Variants in NFATC2 observed in about 807,000 individuals in gnomAD.
NFATC2 encodes nuclear factor of activated T-cells, cytoplasmic 2.
In NFATC2, 22 loss-of-function variants were observed where a neutral mutation model predicts 87.3. The observed-to-expected ratio is 0.25, with a 90% confidence interval of 0.18 to 0.36. NFATC2 has a LOEUF of 0.36. Ranked by LOEUF, NFATC2 falls within the 10% of genes least tolerant of loss-of-function variation. The probability of loss-of-function intolerance (pLI) is 1.00; values close to 1 mark genes in which losing one functional copy is unlikely to be tolerated. For missense variants in NFATC2, 1,149 were observed against 1,259.1 expected (o/e 0.91, Z 1.32); for synonymous variants, 565 against 542.2 (o/e 1.04, Z -0.58).
In NFATC2 at chr20:51,390,009, A is replaced by G. The variant is rs1177167797; in HGVS notation, c.*1487T>C. 1 of 152,244 alleles carries G rather than the reference A, an allele frequency of 6.6e-6. No homozygotes were observed. Among genetic ancestry groups the G allele is most frequent in the African/African-American group, 2.4e-5 (1 of 41,466 alleles). The allele number at this position is 152,244 out of a possible 1,614,324, so 9.4% of individuals were successfully genotyped here. ...TGGGGTATCTGCAGTACATGCAAAC[A>G]GAAACAAACACATCTGCCAAGAACT... On this transcript the variant is annotated 3_prime_UTR_variant, in exon 11 of 11. Coordinates refer to ENST00000371564, the MANE Select transcript of NFATC2 (RefSeq NM_012340.5).
intron 5 of NFATC2, among the ~76,000 whole-genome samples, chr20:51,468,414 C>T (rs1160744685): frequency 6.6e-6 from 1 of 152,234 alleles, no homozygotes; most frequent in African/African-American, 2.4e-5. Context: ...CACTCCCAAG[C>T]CCTGCAAAAT....
intron 2 of NFATC2, among the ~76,000 whole-genome samples, chr20:51,520,295 C>T (rs207477633): frequency 6.6e-6 from 1 of 152,156 alleles, no homozygotes; most frequent in Non-Finnish European, 1.5e-5. Context: ...CTACGTAGCA[C>T]AAAGAACAAG....
chr20:51,434,657 A>G (rs1340688113), intron 8 of NFATC2, among the ~76,000 whole-genome samples: 1 of 152,094 alleles, frequency 6.6e-6, no homozygotes, highest in Non-Finnish European at 1.5e-5. Context: ...ACACTCAGAT[A>G]TTTTCTGGAC....
rs964891218 is a variant in NFATC2 at position 51,519,624 on chromosome 20, A to G, written c.1161-2669T>C. On this transcript the variant is annotated intron_variant, in intron 2 of 10. Coordinates refer to ENST00000371564, the MANE Select transcript of NFATC2 (RefSeq NM_012340.5). ...GGCGACAGAGCAAGACTCCATCTCA[A>G]CACAAAAAAGACCGGGTGCGGTGGC... Among the ~76,000 whole-genome samples the G allele has an allele frequency of 8.6e-5, 13 of 151,060 alleles. No individual in the cohort carries two copies. The South Asian group carries it at 2.3e-3, about 27-fold the overall frequency.
chr20:51,461,733 C>T (rs1037803254), intron 5 of NFATC2, among the ~76,000 whole-genome samples: 4 of 152,202 alleles, frequency 2.6e-5, no homozygotes, highest in Non-Finnish European at 5.9e-5. Context: ...GCCGTCAAGC[C>T]GGGTGGCCAA....
intron 3 of NFATC2, among the ~76,000 whole-genome samples, chr20:51,484,688 C>A (rs959105687): frequency 6.6e-6 from 1 of 152,260 alleles, no homozygotes; most frequent in Non-Finnish European, 1.5e-5. Context: ...CGGCCCACAG[C>A]GACCATTGTG....
intron 9 of NFATC2, among the ~76,000 whole-genome samples, chr20:51,431,224 T>C (rs564962643): frequency 6.6e-6 from 1 of 152,326 alleles, no homozygotes; most frequent in South Asian, 2.1e-4. Context: ...TATTTTTCTG[T>C]CTGGAGCCCC....
At chr20:51,434,273 C>T (rs2146347695) in intron 8 of NFATC2, among the ~76,000 whole-genome samples, 1 of 151,480 alleles carries the variant, frequency 6.6e-6, no homozygotes. Context: ...CCAGGGCACC[C>T]CTCAGTATAA....
rs1478716482 is a variant in NFATC2, at chr20:51,516,886, C to T, written c.1230G>A (p.Leu410=). ...PLSSQSGSYE[L]RIEVQPKPHH... is the part of the protein sequence containing the mutation. ...GTGGCTTGGGCTGCACCTCGATCCG[C>T]AGCTCGTAAGAGCCTGACTGACTGG... The change falls in exon 3 of 11, where the codon CTG becomes CTA. Residue 410 remains leucine, a synonymous_variant. Coordinates refer to ENST00000371564, the MANE Select transcript of NFATC2 (RefSeq NM_012340.5). 6.2e-7 allele frequency: 1 copy of T among 1,614,198 alleles called. No homozygotes were observed. Among genetic ancestry groups the T allele is most frequent in the Admixed American group, 1.7e-5 (1 of 60,024 alleles).
In NFATC2 at chr20:51,533,250, G is replaced by A. The variant is rs150539384; in HGVS notation, c.130+9120C>T. 9.0e-3 allele frequency among the ~76,000 whole-genome samples: 1,378 copies of A among 152,320 alleles called. 12 individuals are homozygous for A. Among genetic ancestry groups the A allele is most frequent in the Non-Finnish European group, 0.012 (849 of 68,030 alleles). ...AGGTGGACAGATTCTTCATCCGGCA[G>A]GTGTGCACAACCTAGAGAAAGAACC... On this transcript the variant is annotated intron_variant, in intron 1 of 10. Transcript: ENST00000371564.
chr20:51,489,143 T>C (rs111597478), intron 3 of NFATC2, among the ~76,000 whole-genome samples: 4 of 152,324 alleles, frequency 2.6e-5, no homozygotes, highest in Admixed American at 6.5e-5. Flanking sequence ...TGAGCCAAGA[T>C]CGTGCCACTG....
At chr20:51,456,807 G>T (rs1054427076) in intron 5 of NFATC2, among the ~76,000 whole-genome samples, 2 of 152,238 alleles carry the variant, frequency 1.3e-5, no homozygotes, top group Non-Finnish European at 2.9e-5. Flanking sequence ...TGCCTTGCCT[G>T]GGCCTCCAGG....
intron 1 of NFATC2, among the ~76,000 whole-genome samples, chr20:51,532,809 G>A (rs893579617): frequency 2.0e-5 from 3 of 152,264 alleles, no homozygotes; most frequent in African/African-American, 7.2e-5. Context: ...AACCCAGCTA[G>A]GGAACCTCTG....
At chr20:51,534,300 T>C (rs533225947) in intron 1 of NFATC2, among the ~76,000 whole-genome samples, 6 of 152,310 alleles carry the variant, frequency 3.9e-5, no homozygotes, top group Middle Eastern at 3.4e-3. Context: ...ATGTGTAGCA[T>C]GCACGTGTGT....
At chr20:51,527,819 G>C (rs1351113775) in intron 1 of NFATC2, among the ~76,000 whole-genome samples, 1 of 152,014 alleles carries the variant, frequency 6.6e-6, no homozygotes, top group African/African-American at 2.4e-5. Flanking sequence ...ATTCATCCTG[G>C]GCCAGTCATG....
At position 51,474,143 on chromosome 20, in the gene NFATC2, A is replaced by G. The variant is rs1216621750; in HGVS notation, c.1545T>C (p.Cys515=). Residue 515 remains cysteine (C), a synonymous_variant, in exon 5 of 11, where the codon TGT becomes TGC. Transcript: ENST00000371564. ...PKNNMRATID[C]AGILKLRNAD... ...CGTTTCTAAGCTTCAAGATCCCCGC[A>G]CAGTCGATGCTGCCAGGATGTTAAG... 1.9e-6 allele frequency: 3 copies of G among 1,614,020 alleles called. No individual in the cohort carries two copies. The highest frequency in any genetic ancestry group is 2.7e-5 in the African/African-American group (2 of 74,912).
intron 9 of NFATC2, among the ~76,000 whole-genome samples, chr20:51,418,153 C>CA (rs1422326088): frequency 6.6e-6 from 1 of 152,196 alleles, no homozygotes; most frequent in Admixed American, 6.5e-5. Flanking sequence ...TTCCCACACT[C>CA]AGAGAGTGCT....
chr20:51,474,298 T>C (rs1600818688), intron 4 of NFATC2, 146 bp from the exon 5 acceptor site: 2 of 945,016 alleles, frequency 2.1e-6, no homozygotes, highest in African/African-American at 1.7e-5. Context: ...TATACCAAGA[T>C]GGGGGTAAAA....
chr20:51,481,205 C>G (rs1989224909), intron 3 of NFATC2, among the ~76,000 whole-genome samples: 1 of 152,228 alleles, frequency 6.6e-6, no homozygotes. Context: ...TAGCCATTTA[C>G]TTGCTTCTCC....
Sources: gnomAD v4.1 joint callset for allele counts (sites outside exome capture counted in the v4.1 genomes callset) on GRCh38, gnomAD v4.1.1 for gene constraint, MANE v1.5 for transcripts, NCBI Gene and HGNC (gene_info 2026-07-23, HGNC 2026-07-21) for gene names.